SLIT1: variants seen among roughly 807,000 people sequenced by gnomAD.
The protein encoded by SLIT1 is slit guidance ligand 1, also known as slit homolog 1 protein.
A neutral mutation model predicts 186.1 loss-of-function variants in SLIT1; 66 were observed. The observed-to-expected ratio is 0.35, with a 90% CI of 0.29 to 0.44. The LOEUF (loss-of-function observed/expected upper bound fraction) is 0.44. SLIT1 is among the 20% of genes least tolerant of loss of function. SLIT1 has a pLI of 1.00. For synonymous variants in SLIT1, 761 were observed against 833.8 expected (o/e 0.91, Z 1.50); for missense variants, 1,638 against 2,037.4 (o/e 0.80, Z 3.77).
intron 23 of SLIT1, 29 bp downstream of exon 23, chr10:97,034,441 GC>G: frequency 6.3e-7 from 1 of 1,578,928 alleles, no homozygotes; most frequent in Non-Finnish European, 8.7e-7. Flanking sequence ...TGGCCCCGGG[GC>G]CCCCCACCCC....
intron 10 of SLIT1, 64 bp from the exon 11 acceptor site, chr10:97,059,595 G>T: frequency 8.1e-7 from 1 of 1,235,384 alleles, no homozygotes; most frequent in Non-Finnish European, 1.2e-6. Flanking sequence ...GCCCTGCCCA[G>T]TCCCCTCCAC....
At chr10:97,089,226 G>A (rs1423545663) in intron 4 of SLIT1, among the ~76,000 whole-genome samples, 3 of 152,178 alleles carry the variant, frequency 2.0e-5, no homozygotes, top group Non-Finnish European at 4.4e-5. Flanking sequence ...AAAAGAAACA[G>A]AAGTGAAAGA....
chr10:97,134,109 G>A (rs7093856), intron 4 of SLIT1, among the ~76,000 whole-genome samples: 19,091 of 152,026 alleles, frequency 0.13, 2,055 homozygotes, highest in African/African-American at 0.3. Flanking sequence ...TTCCTTGCAG[G>A]TCTTCTGCCA....
At chr10:97,100,786 G>A (rs1462886108) in intron 4 of SLIT1, among the ~76,000 whole-genome samples, 1 of 152,208 alleles carries the variant, frequency 6.6e-6, no homozygotes. Context: ...CCCCACCAAG[G>A]AGGGGCTCCC....
chr10:97,112,327 GCTCT>G (rs994902781), intron 4 of SLIT1, among the ~76,000 whole-genome samples: 5 of 152,288 alleles, frequency 3.3e-5, no homozygotes, highest in African/African-American at 1.2e-4. Flanking sequence ...CTCAGCACCA[GCTCT>G]CTCTGTTTTC....
At chr10:97,096,037 G>T (rs1849285442) in intron 4 of SLIT1, among the ~76,000 whole-genome samples, 2 of 152,080 alleles carry the variant, frequency 1.3e-5, no homozygotes, top group Admixed American at 1.3e-4. Context: ...TTCCTCCCCA[G>T]TGGCCAAGCA....
Position 97,162,347 on chromosome 10 carries a change from C to T in SLIT1, c.341+1033G>A, listed in dbSNP as rs1248856914. 5.3e-5 allele frequency among the ~76,000 whole-genome samples: 8 copies of T among 152,232 alleles called. 1 individual carries two copies. The highest frequency in any genetic ancestry group is 2.6e-4 in the Admixed American group (4 of 15,292). Reference sequence around the variant, plus strand: ...TGCAATGGCCAGGCACGGTGGCTCACGCCTGTAATCCTAGCACTTTAGGAG... The same window carrying T: ...TGCAATGGCCAGGCACGGTGGCTCATGCCTGTAATCCTAGCACTTTAGGAG... On this transcript the variant is annotated intron_variant, in intron 3 of 36. Transcript: ENST00000266058.
rs1018259395 is a variant in SLIT1 at position 97,057,191 on chromosome 10, A to G, written c.1157+19T>C. ...CCCTTCCCTGGGTCCCACCCAAGAC[A>G]CCCAGGATTCGTTCTTACAGGAGCT... On this transcript the variant is annotated intron_variant, in intron 12 of 36. Coordinates refer to ENST00000266058, the MANE Select transcript of SLIT1 (RefSeq NM_003061.3). The G allele has an allele frequency of 1.2e-6, 2 of 1,609,340 alleles. No individual in the cohort carries two copies. The highest frequency in any genetic ancestry group is 1.7e-5 in the Admixed American group (1 of 59,958).
intron 4 of SLIT1, among the ~76,000 whole-genome samples, chr10:97,116,047 C>T (rs2636786): frequency 0.46 from 69,910 of 152,076 alleles, 18,811 homozygotes; most frequent in South Asian, 0.61. Flanking sequence ...TGCTGTGTGA[C>T]CTTGGGCAAG....
At chr10:97,160,621 T>C (rs1850012758) in intron 3 of SLIT1, among the ~76,000 whole-genome samples, 1 of 151,848 alleles carries the variant, frequency 6.6e-6, no homozygotes, top group Non-Finnish European at 1.5e-5. Flanking sequence ...AGAAAGACTT[T>C]GGCCAAAAAA....
chr10:97,161,388 A>C (rs1252717948), intron 3 of SLIT1, among the ~76,000 whole-genome samples: 1 of 152,258 alleles, frequency 6.6e-6, no homozygotes, highest in Non-Finnish European at 1.5e-5. Flanking sequence ...TGAGGAGCAC[A>C]AAAGAAAGAT....
At chr10:97,012,990 A>G (rs969294077) in intron 30 of SLIT1, among the ~76,000 whole-genome samples, 2 of 152,230 alleles carry the variant, frequency 1.3e-5, no homozygotes, top group Admixed American at 6.5e-5. Flanking sequence ...GTCTTCAAGT[A>G]ACAAACATTT....
chr10:97,134,491 C>T (rs895194296), intron 4 of SLIT1, among the ~76,000 whole-genome samples: 3 of 152,114 alleles, frequency 2.0e-5, no homozygotes, highest in African/African-American at 7.2e-5. Flanking sequence ...TTATGCCGGC[C>T]GAGTCTCCAT....
chr10:97,103,868 C>T lies in SLIT1; in HGVS notation c.414-37782G>A, dbSNP rs1224430064. 3.3e-5 allele frequency: 5 copies of T among 152,290 alleles called. No individual in the cohort carries two copies. In the East Asian group the frequency reaches 9.7e-4, roughly 29 times the overall value. 9.4% of individuals were successfully genotyped at this position (152,290 alleles called of 1,614,324 possible). On this transcript the variant is annotated intron_variant, in intron 4 of 36. Transcript: ENST00000266058. ...AGGTGACCTTGGCCAGTTACTTGAC[C>T]TTCAACTTGGTTTCCTTGTCTGCAA...
At chr10:97,060,231 A>C (rs1315878465) in intron 9 of SLIT1, 73 bp from the exon 10 acceptor site, 63 of 1,222,372 alleles carry the variant, frequency 5.2e-5, no homozygotes, top group Non-Finnish European at 7.0e-5. Flanking sequence ...TGCTGGGCTC[A>C]CCTGCCCTGA....
At chr10:97,094,648 A>T (rs1293470599) in intron 4 of SLIT1, among the ~76,000 whole-genome samples, 1 of 152,154 alleles carries the variant, frequency 6.6e-6, no homozygotes, top group Non-Finnish European at 1.5e-5. Context: ...GGAGCAGGTG[A>T]CGGCAGCACT....
chr10:97,013,346 GA>G, intron 30 of SLIT1, among the ~76,000 whole-genome samples: 1 of 152,322 alleles, frequency 6.6e-6, no homozygotes, highest in South Asian at 2.1e-4. Context: ...TGTAACTGGG[GA>G]TAAGAAATGG....
chr10:97,146,364 C>T (rs1217940300), intron 4 of SLIT1, among the ~76,000 whole-genome samples: 4 of 152,170 alleles, frequency 2.6e-5, no homozygotes, highest in Admixed American at 6.5e-5. Context: ...TGGTCAAAAC[C>T]TACCATGTAC....
In SLIT1 at chr10:97,157,923, G is replaced by A. The variant is rs746108668; in HGVS notation, c.342-34C>T. 21 of 1,513,768 alleles carry A rather than the reference G, an allele frequency of 1.4e-5. No individual in the cohort carries two copies. In the South Asian group the frequency reaches 1.9e-4, roughly 14 times the overall value. 93.8% of individuals were successfully genotyped at this position (1,513,768 alleles called of 1,614,324 possible). Reference sequence around the variant, plus strand: ...GAGAAGAAGAATTGGAAATCACCTAGACAGCCAGGAAATCCAAAGGACTTC... The same window carrying A: ...GAGAAGAAGAATTGGAAATCACCTAAACAGCCAGGAAATCCAAAGGACTTC... On this transcript the variant is annotated intron_variant, in intron 3 of 36. Transcript: ENST00000266058.
Sources: gnomAD v4.1 joint callset for allele counts (sites outside exome capture counted in the v4.1 genomes callset) on GRCh38, gnomAD v4.1.1 for gene constraint, MANE v1.5 for transcripts, NCBI Gene and HGNC (gene_info 2026-07-23, HGNC 2026-07-21) for gene names.